Variants in ZBBX observed in about 807,000 individuals in gnomAD.
The protein encoded by ZBBX is zinc finger B-box domain containing, also known as zinc finger B-box domain-containing protein 1.
A neutral mutation model predicts 108.5 loss-of-function variants in ZBBX; 101 were observed. That is an observed-to-expected ratio of 0.93 (90% CI 0.79 to 1.10). The LOEUF is 1.10. Among genes scored for constraint, ZBBX ranks in the 50% least tolerant of loss-of-function variants. The pLI, the probability that ZBBX is intolerant of heterozygous loss-of-function variation, is 0.00. For missense variants in ZBBX, 1,009 were observed against 941.4 expected, an observed-to-expected ratio of 1.07 and a Z score of -0.94; for synonymous variants, 356 against 323.4, an observed-to-expected ratio of 1.10 and a Z score of -1.08.
the ZBBX span, among the ~76,000 whole-genome samples, chr3:167,186,166 T>C: frequency 6.6e-6 from 1 of 151,944 alleles, no homozygotes; most frequent in African/African-American, 2.4e-5. Flanking sequence ...TTTTAATTAA[T>C]ATATGAGTAA....
intron 1 of ZBBX, among the ~76,000 whole-genome samples, chr3:167,406,001 G>C (rs1226150371): frequency 1.3e-5 from 2 of 152,304 alleles, no homozygotes; most frequent in South Asian, 2.1e-4. Flanking sequence ...GGGGGGCAGA[G>C]GTTGCAGTGA....
chr3:167,401,108 CT>C (rs973333751), intron 1 of ZBBX, among the ~76,000 whole-genome samples: 3 of 152,014 alleles, frequency 2.0e-5, no homozygotes, highest in Non-Finnish European at 2.9e-5. Context: ...ATTGTATTGT[CT>C]TTTAGAAAAT....
intron 9 of ZBBX, among the ~76,000 whole-genome samples, chr3:167,348,408 A>T (rs1050720051): frequency 3.6e-5 from 4 of 112,258 alleles, no homozygotes; most frequent in African/African-American, 1.4e-4. Context: ...GAGGGAGAGG[A>T]GAGAGAGAAA....
chr3:167,386,127 A>G (rs1747915251), intron 1 of ZBBX, among the ~76,000 whole-genome samples: 2 of 152,038 alleles, frequency 1.3e-5, no homozygotes, highest in African/African-American at 4.8e-5. Context: ...ATTTGGACAG[A>G]AGAAAGAAAG....
the ZBBX span, among the ~76,000 whole-genome samples, chr3:167,216,351 A>C: frequency 6.6e-6 from 1 of 152,152 alleles, no homozygotes; most frequent in Non-Finnish European, 1.5e-5. Context: ...ACTGAGAGCT[A>C]AATTAAATAG....
chr3:167,281,106 G>A (rs933076565), intron 20 of ZBBX, among the ~76,000 whole-genome samples: 6 of 152,166 alleles, frequency 3.9e-5, no homozygotes, highest in African/African-American at 1.4e-4. Flanking sequence ...GACTGTTGTG[G>A]GGTGGGGGTA....
the ZBBX span, among the ~76,000 whole-genome samples, chr3:167,230,778 T>G: frequency 6.6e-6 from 1 of 151,778 alleles, no homozygotes; most frequent in East Asian, 1.9e-4. Flanking sequence ...AGGCATTAGT[T>G]CTCATTGTAA....
chr3:167,246,016 T>G (rs1490700411), intron 20 of ZBBX, among the ~76,000 whole-genome samples: 2 of 152,102 alleles, frequency 1.3e-5, no homozygotes, highest in African/African-American at 4.8e-5. Context: ...TGCTATACAT[T>G]TGGGGGAGAC....
chr3:167,380,197 G>A (rs1293423960), intron 1 of ZBBX, 50 bp downstream of exon 1: 1 of 152,404 alleles, frequency 6.6e-6, no homozygotes, highest in Non-Finnish European at 1.5e-5. Flanking sequence ...CCGCTAGGCG[G>A]ACTCAGAGAC....
intron 16 of ZBBX, among the ~76,000 whole-genome samples, chr3:167,313,385 C>G (rs911952822): frequency 6.6e-6 from 1 of 152,094 alleles, no homozygotes; most frequent in African/African-American, 2.4e-5. Context: ...AAGCGATTCT[C>G]CTGCCTCAGC....
the ZBBX span, among the ~76,000 whole-genome samples, chr3:167,223,192 C>G: frequency 2.0e-5 from 3 of 151,832 alleles, no homozygotes; most frequent in Admixed American, 6.6e-5. Context: ...ACCAGTCAGG[C>G]CTTCCCCTCA....
intron 9 of ZBBX, among the ~76,000 whole-genome samples, chr3:167,346,505 A>G (rs1281366670): frequency 6.6e-6 from 1 of 151,916 alleles, no homozygotes; most frequent in East Asian, 1.9e-4. Flanking sequence ...TACAACTATC[A>G]AATTTGGCTA....
chr3:167,305,697 G>T lies in ZBBX; in HGVS notation c.1671C>A (p.Ser557Arg). ...SQDIKESLEL[S>R]NLYKRPSFEE... ...CAAAGCTTGGCCTCTTATACAGATT[G>T]CTCAATTCCAAGGATTCTTTGATGT... Residue 557 changes from serine to arginine, a missense_variant, in exon 17 of 22, where the codon AGC becomes AGA. Coordinates refer to ENST00000675490, the MANE Select transcript of ZBBX (RefSeq NM_001199201.2). The T allele has an allele frequency of 6.2e-7, 1 of 1,609,588 alleles. No homozygotes were observed. The highest frequency in any genetic ancestry group is 8.5e-7 in the Non-Finnish European group (1 of 1,178,664).
chr3:167,217,838 A>G, the ZBBX span, among the ~76,000 whole-genome samples: 10 of 152,040 alleles, frequency 6.6e-5, no homozygotes, highest in African/African-American at 2.2e-4. Context: ...GGAGCCTAAC[A>G]TCTTTAACAA....
At chr3:167,280,306 G>T (rs1306679104) in intron 20 of ZBBX, among the ~76,000 whole-genome samples, 1 of 150,722 alleles carries the variant, frequency 6.6e-6, no homozygotes, top group Non-Finnish European at 1.5e-5. Flanking sequence ...TACCATCAGA[G>T]TGAACAGGTA....
chr3:167,381,642 C>A (rs903068736), upstream of ZBBX, among the ~76,000 whole-genome samples: 2 of 152,106 alleles, frequency 1.3e-5, no homozygotes, highest in African/African-American at 4.8e-5. Context: ...CCCATACAGG[C>A]GCGCTCTTCA....
chr3:167,366,497 G>C (rs984149182), intron 5 of ZBBX, among the ~76,000 whole-genome samples: 1 of 151,748 alleles, frequency 6.6e-6, no homozygotes, highest in Non-Finnish European at 1.5e-5. Context: ...TTGTTTACTT[G>C]AGCATAACAA....
chr3:167,316,536 T>C (rs913964983), intron 14 of ZBBX, among the ~76,000 whole-genome samples: 1 of 151,988 alleles, frequency 6.6e-6, no homozygotes, highest in Non-Finnish European at 1.5e-5. Context: ...GTTCAAGTTA[T>C]GTTCAAGTTA....
At chr3:167,222,241 A>T in the ZBBX span, among the ~76,000 whole-genome samples, 1 of 151,208 alleles carries the variant, frequency 6.6e-6, no homozygotes, top group African/African-American at 2.4e-5. Context: ...AAAAAATGAG[A>T]TTCTATCATT....
Sources: allele counts gnomAD v4.1 joint callset (sites outside exome capture counted in the v4.1 genomes callset), GRCh38; gene constraint gnomAD v4.1.1; transcripts MANE v1.5; gene names NCBI Gene and HGNC (gene_info 2026-07-23, HGNC 2026-07-21).